FAT3: variants seen among roughly 807,000 people sequenced by gnomAD.
FAT3 encodes protocadherin Fat 3.
In FAT3, 95 loss-of-function variants were observed where a neutral mutation model predicts 310.2. That is an observed-to-expected ratio of 0.31 (90% confidence interval 0.26 to 0.36). The LOEUF is 0.36. FAT3 is among the 10% of genes least tolerant of loss of function. The probability of loss-of-function intolerance (pLI) is 1.00; values close to 1 mark genes in which losing one functional copy is unlikely to be tolerated. For missense variants in FAT3, 5,408 were observed against 5,715.6 expected (o/e 0.95, Z 1.74); for synonymous variants, 2,314 against 2,192.9 (o/e 1.06, Z -1.54).
chr11:92,802,994 T>C (rs1947402013), intron 10 of FAT3, among the ~76,000 whole-genome samples: 1 of 150,930 alleles, frequency 6.6e-6, no homozygotes, highest in Non-Finnish European at 1.5e-5. Flanking sequence ...GGTGAAGTTT[T>C]CCCCTTGAAA....
Position 92,861,003 on chromosome 11 carries a change from T to C in FAT3, c.11658+1681T>C, listed in dbSNP as rs372946058. Among the ~76,000 whole-genome samples, 4 of 152,356 alleles carry C rather than the reference T, an allele frequency of 2.6e-5. No individual in the cohort carries two copies. The East Asian group carries it at 5.8e-4, about 22-fold the overall frequency. On this transcript the variant is annotated intron_variant, in intron 21 of 27. Coordinates refer to ENST00000525166, the MANE Select transcript of FAT3 (RefSeq NM_001367949.2). ...AAGAAAAGTACTTTGATTGCACAGTTTTAGAGAACGATGCATTCAAATCAG... is the reference window on the plus strand; with the variant it reads ...AAGAAAAGTACTTTGATTGCACAGTCTTAGAGAACGATGCATTCAAATCAG...
chr11:92,230,513 C>G (rs1414421671), intron 1 of FAT3, among the ~76,000 whole-genome samples: 1 of 152,082 alleles, frequency 6.6e-6, no homozygotes, highest in Non-Finnish European at 1.5e-5. Context: ...AGGCTGGTCT[C>G]GAACTCCTGG....
rs373516165 is a variant in FAT3, at chr11:92,425,971, A to C, written c.3292+70567A>C. On this transcript the variant is annotated intron_variant, in intron 2 of 27. Coordinates refer to ENST00000525166, the MANE Select transcript of FAT3 (RefSeq NM_001367949.2). ...GAGGAATCACCACACTGTCTTCTAC[A>C]ATGGTTGAACTAATTTACACTCCCA... Among the ~76,000 whole-genome samples the C allele has an allele frequency of 2.0e-3, 305 of 152,274 alleles. 16 individuals carry two copies. The South Asian group carries it at 0.06, about 30-fold the overall frequency.
chr11:92,699,405 T>G (rs1204145770), intron 4 of FAT3, among the ~76,000 whole-genome samples: 1 of 152,234 alleles, frequency 6.6e-6, no homozygotes, highest in Non-Finnish European at 1.5e-5. Flanking sequence ...ATAGATAACC[T>G]AAGTACACTG....
At chr11:92,360,068 ATGGT>A (rs1948840698) in intron 2 of FAT3, among the ~76,000 whole-genome samples, 1 of 152,126 alleles carries the variant, frequency 6.6e-6, no homozygotes. Context: ...GACTTCCACA[ATGGT>A]TGAACTAGTT....
intron 2 of FAT3, among the ~76,000 whole-genome samples, chr11:92,486,598 G>T (rs1952414216): frequency 6.6e-6 from 1 of 151,984 alleles, no homozygotes; most frequent in Non-Finnish European, 1.5e-5. Flanking sequence ...TCTTAGACCT[G>T]CCCAAATGAT....
At chr11:92,859,454 G>C (rs1949067729) in intron 21 of FAT3, 132 bp downstream of exon 21, 5 of 914,624 alleles carry the variant, frequency 5.5e-6, no homozygotes, top group Non-Finnish European at 7.7e-6. Flanking sequence ...GGGCAAAGGG[G>C]AGCAGCGGCA....
chr11:92,890,626 TG>T lies in FAT3; in HGVS notation c.13286del (p.Gly4429ValfsTer18), dbSNP rs2136444152. 1 of 1,613,854 alleles carries T rather than the reference TG, an allele frequency of 6.2e-7. No individual in the cohort carries two copies. ...STRELESDYY[L>X]GGYDIDSEYP... ...CGGGAGCTGGAGAGCGATTACTACC[TG>T]GGTGGTTATGACATTGACAGTGAAT... On this transcript the variant is annotated frameshift_variant, in exon 28 of 28. Transcript: ENST00000525166. LOFTEE classifies it high-confidence loss of function.
In FAT3 at chr11:92,510,399, G is replaced by A. The variant is rs575548782; in HGVS notation, c.3293-14235G>A. On this transcript the variant is annotated intron_variant, in intron 2 of 27. Transcript: ENST00000525166. ...CCACCAGAGAAAGGATTTGAGGCTG[G>A]GAATCATCTAAGTTATAGGAGAGAA... 2.5e-3 allele frequency among the ~76,000 whole-genome samples: 387 copies of A among 152,198 alleles called. 1 individual carries two copies. Among genetic ancestry groups the A allele is most frequent in the South Asian group, 1.0e-2 (48 of 4,814 alleles).
chr11:92,626,255 G>A (rs1377339934), intron 3 of FAT3, among the ~76,000 whole-genome samples: 5 of 152,126 alleles, frequency 3.3e-5, no homozygotes, highest in African/African-American at 1.2e-4. Flanking sequence ...TAATTTTAAA[G>A]AAAGATAATT....
rs1950038055 is a variant in FAT3, at chr11:92,402,458, A to C, written c.3292+47054A>C. ...ACTCAAGAATTCTCGGTCTGGGTGC[A>C]GTGGCTCACACCTGTGATCCCAACA... On this transcript the variant is annotated intron_variant, in intron 2 of 27. Transcript: ENST00000525166. Among the ~76,000 whole-genome samples, 3 of 152,048 alleles carry C rather than the reference A, an allele frequency of 2.0e-5. No homozygotes were observed. The South Asian group carries it at 6.2e-4, about 32-fold the overall frequency.
intron 2 of FAT3, among the ~76,000 whole-genome samples, chr11:92,442,424 T>C (rs1951097488): frequency 6.6e-6 from 1 of 151,310 alleles, no homozygotes; most frequent in South Asian, 2.1e-4. Flanking sequence ...GGAAATATAT[T>C]TGAGCATGGT....
chr11:92,306,507 T>A (rs1368673927), intron 1 of FAT3, among the ~76,000 whole-genome samples: 13 of 132,204 alleles, frequency 9.8e-5, no homozygotes, highest in Non-Finnish European at 1.9e-4. Context: ...ATATATGTTA[T>A]ATATATTTAT....
At chr11:92,279,737 G>A (rs1438602184) in intron 1 of FAT3, among the ~76,000 whole-genome samples, 2 of 152,136 alleles carry the variant, frequency 1.3e-5, no homozygotes, top group African/African-American at 4.8e-5. Flanking sequence ...TATGCAATAT[G>A]TTGCTGCTAA....
At chr11:92,346,015 TAC>T (rs1390517467) in intron 1 of FAT3, among the ~76,000 whole-genome samples, 2 of 152,208 alleles carry the variant, frequency 1.3e-5, no homozygotes, top group African/African-American at 4.8e-5. Flanking sequence ...TATTATCTTA[TAC>T]ATTCTCTAGC....
intron 1 of FAT3, among the ~76,000 whole-genome samples, chr11:92,296,212 A>C (rs994499285): frequency 5.3e-5 from 8 of 152,156 alleles, no homozygotes; most frequent in Admixed American, 5.2e-4. Flanking sequence ...TTTGGGAAGC[A>C]GTACACAGTT....
At chr11:92,674,524 T>TA (rs1943227038) in intron 3 of FAT3, among the ~76,000 whole-genome samples, 1 of 152,056 alleles carries the variant, frequency 6.6e-6, no homozygotes, top group African/African-American at 2.4e-5. Context: ...TTAATATTAA[T>TA]TTAATTAATT....
chr11:92,504,500 C>T (rs1313255093), intron 2 of FAT3, among the ~76,000 whole-genome samples: 1 of 152,082 alleles, frequency 6.6e-6, no homozygotes, highest in Non-Finnish European at 1.5e-5. Context: ...TGACTGATTA[C>T]CCACTAAAAA....
intron 3 of FAT3, among the ~76,000 whole-genome samples, chr11:92,648,045 T>G (rs1942229805): frequency 6.6e-6 from 1 of 152,168 alleles, no homozygotes; most frequent in African/African-American, 2.4e-5. Context: ...GGAATTCACC[T>G]GACCATGAGG....
Sources: gnomAD v4.1 joint callset for allele counts (sites outside exome capture counted in the v4.1 genomes callset) on GRCh38, gnomAD v4.1.1 for gene constraint, MANE v1.5 for transcripts, NCBI Gene and HGNC (gene_info 2026-07-23, HGNC 2026-07-21) for gene names.